Variants in INO80 observed in about 807,000 individuals in gnomAD.
INO80 encodes the protein chromatin-remodeling ATPase INO80.
In INO80, 20 loss-of-function variants were observed where a neutral mutation model predicts 203.4. The ratio of observed to expected loss-of-function variants is 0.10; its 90% confidence interval spans 0.07 to 0.14. INO80 has a LOEUF of 0.14. Ranked by LOEUF, INO80 falls within the 10% of genes least tolerant of loss-of-function variation. INO80 has a pLI of 1.00. For synonymous variants in INO80, 726 were observed against 685.2 expected (o/e 1.06, Z -0.93); for missense variants, 1,419 against 1,914.4 (o/e 0.74, Z 4.83).
chr15:41,080,141 T>A lies in INO80; in HGVS notation c.928-237A>T, dbSNP rs536147125. Among the ~76,000 whole-genome samples the A allele has an allele frequency of 2.7e-3, 410 of 152,304 alleles. 3 individuals are homozygous for A. Among genetic ancestry groups the A allele is most frequent in the South Asian group, 0.013 (62 of 4,828 alleles). On this transcript the variant is annotated intron_variant, in intron 8 of 35. Transcript: ENST00000648947. ...TCTATCACCTTAGAAGATGAAAAAT[T>A]ATAATGATGAAGAAGGACCTGGGAT... is the stretch of plus-strand genomic sequence containing the variant.
At chr15:41,096,755 C>T (rs543305847) in intron 1 of INO80, among the ~76,000 whole-genome samples, 2 of 152,326 alleles carry the variant, frequency 1.3e-5, no homozygotes, top group African/African-American at 2.4e-5. Flanking sequence ...ACTAGAGGAG[C>T]ACTCGTTCTC....
In INO80 at chr15:41,087,644, G is replaced by A; in HGVS notation, c.576C>T (p.Ser192=). The change falls in exon 6 of 36, where the codon TCC becomes TCT. Residue 192 remains serine, a synonymous_variant. Transcript: ENST00000648947. The part of the protein sequence containing the change: ...QYQYYSAGLL[S]TYDPFYEQQR... ...GTTGCTCATAGAAAGGGTCATATGT[G>A]GAGAGCAGGCCTGCACTGTAGTACT... is the stretch of plus-strand genomic sequence containing the variant. The A allele has an allele frequency of 1.2e-6, 2 of 1,613,814 alleles. No homozygotes were observed. The highest frequency in any genetic ancestry group is 1.7e-6 in the Non-Finnish European group (2 of 1,179,894).
chr15:41,080,878 G>A, intron 8 of INO80, 142 bp downstream of exon 8: 1 of 658,936 alleles, frequency 1.5e-6, no homozygotes, highest in Non-Finnish European at 2.7e-6. Context: ...TAAACAGCTT[G>A]AGAACATTCA....
chr15:41,111,365 G>A (rs1466688683), intron 1 of INO80, among the ~76,000 whole-genome samples: 4 of 152,162 alleles, frequency 2.6e-5, no homozygotes, highest in African/African-American at 9.7e-5. Flanking sequence ...AGAATTGCTT[G>A]AACCCAGGAG....
In INO80 at chr15:41,036,570, T is replaced by C. The variant is rs553593203; in HGVS notation, c.2907+8334A>G. Among the ~76,000 whole-genome samples the C allele has an allele frequency of 8.5e-5, 13 of 152,298 alleles. No homozygotes were observed. The South Asian group carries it at 2.7e-3, about 32-fold the overall frequency. On this transcript the variant is annotated intron_variant, in intron 24 of 35. Transcript: ENST00000648947. ...AAATATTAAGAGTAAAACTGTACTT[T>C]TAATTTTAGGCTAGAAGACATTCCC... is the stretch of plus-strand genomic sequence containing the variant.
chr15:40,996,740 T>A (rs1006914876), intron 29 of INO80, among the ~76,000 whole-genome samples: 1 of 152,208 alleles, frequency 6.6e-6, no homozygotes, highest in Non-Finnish European at 1.5e-5. Flanking sequence ...GAAATTACCC[T>A]TTTCATTGCT....
chr15:41,027,973 CT>C, intron 24 of INO80: 1 of 291,250 alleles, frequency 3.4e-6, no homozygotes. Flanking sequence ...ATAATTCTAC[CT>C]TTTTCTGGAA....
intron 19 of INO80, among the ~76,000 whole-genome samples, chr15:41,052,433 G>A (rs144466537): frequency 1.3e-5 from 2 of 152,140 alleles, no homozygotes; most frequent in Non-Finnish European, 2.9e-5. Flanking sequence ...AGCACTCTGG[G>A]AGGTTGAGGT....
intron 1 of INO80, among the ~76,000 whole-genome samples, chr15:41,111,957 T>G (rs776475418): frequency 1.2e-4 from 18 of 151,950 alleles, no homozygotes; most frequent in Middle Eastern, 3.2e-3. Flanking sequence ...CAGGCTGGAG[T>G]GCAGTGGCAC....
chr15:41,097,322 A>G (rs2045740350), intron 1 of INO80, among the ~76,000 whole-genome samples: 1 of 152,082 alleles, frequency 6.6e-6, no homozygotes, highest in African/African-American at 2.4e-5. Flanking sequence ...CTGGGATTAC[A>G]GGCTTGAGCC....
rs147707793 is a variant in INO80 at position 40,998,785 on chromosome 15, C to G, written c.3498-1184G>C. ...TCTCCTGCCTCAGCCTCCCGAGTAG[C>G]TGGGATTACGGGATTACAGGTGCCC... On this transcript the variant is annotated intron_variant, in intron 28 of 35. Transcript: ENST00000648947. Among the ~76,000 whole-genome samples, 291 of 152,146 alleles carry G rather than the reference C, an allele frequency of 1.9e-3. 6 individuals are homozygous for G. The East Asian group carries it at 0.043, about 23-fold the overall frequency.
At chr15:41,103,091 C>CT (rs2045832802) in intron 1 of INO80, among the ~76,000 whole-genome samples, 1 of 152,158 alleles carries the variant, frequency 6.6e-6, no homozygotes, top group African/African-American at 2.4e-5. Flanking sequence ...TCCACAGCAG[C>CT]TAGTTCATCT....
chr15:41,096,016 G>A (rs755101707), intron 2 of INO80, 88 bp from the exon 3 acceptor site: 2 of 1,418,920 alleles, frequency 1.4e-6, no homozygotes, highest in East Asian at 4.7e-5. Flanking sequence ...AGAAGAAACT[G>A]TTCCTCTGAA....
At chr15:41,063,858 C>T (rs1199551419) in intron 14 of INO80, among the ~76,000 whole-genome samples, 2 of 152,130 alleles carry the variant, frequency 1.3e-5, no homozygotes, top group African/African-American at 2.4e-5. Context: ...GACGCCCTCA[C>T]ATTCTGTATT....
chr15:41,109,336 T>C (rs766436256), intron 1 of INO80, among the ~76,000 whole-genome samples: 12 of 150,200 alleles, frequency 8.0e-5, no homozygotes, highest in Non-Finnish European at 1.6e-4. Flanking sequence ...CACCTGTAAT[T>C]CCAGCTACTG....
At chr15:41,103,539 G>A (rs1328204773) in intron 1 of INO80, among the ~76,000 whole-genome samples, 3 of 152,064 alleles carry the variant, frequency 2.0e-5, no homozygotes, top group Non-Finnish European at 4.4e-5. Flanking sequence ...AGAGGCGCCC[G>A]CCACCACGCC....
chr15:41,074,133 A>G (rs1190034248), intron 10 of INO80, among the ~76,000 whole-genome samples: 1 of 152,150 alleles, frequency 6.6e-6, no homozygotes, highest in Non-Finnish European at 1.5e-5. Flanking sequence ...AATCACAACA[A>G]AAATATTCCC....
Position 41,087,438 on chromosome 15 carries a change from G to A in INO80, c.658+124C>T, listed in dbSNP as rs2045578883. ...TACTTGCTACTAATTAGAAAGGAGA[G>A]TTTTTCAGATAAAGCAAATTTCTAC... On this transcript the variant is annotated intron_variant, in intron 6 of 35. Transcript: ENST00000648947. The A allele has an allele frequency of 8.4e-6, 9 of 1,073,642 alleles. No individual in the cohort carries two copies. The South Asian group carries it at 1.3e-4, about 15-fold the overall frequency. The allele number at this position is 1,073,642 out of a possible 1,614,324, so 66.5% of individuals were successfully genotyped here.
intron 35 of INO80, among the ~76,000 whole-genome samples, chr15:40,981,828 G>A (rs1893843592): frequency 6.6e-6 from 1 of 152,192 alleles, no homozygotes; most frequent in South Asian, 2.1e-4. Flanking sequence ...GCCTCGCCAT[G>A]TGTTTACAAC....
Sources: gnomAD v4.1 joint callset for allele counts (sites outside exome capture counted in the v4.1 genomes callset) on GRCh38, gnomAD v4.1.1 for gene constraint, MANE v1.5 for transcripts, NCBI Gene and HGNC (gene_info 2026-07-23, HGNC 2026-07-21) for gene names.